RAB6B: variants seen among roughly 807,000 people sequenced by gnomAD.
The protein encoded by RAB6B is ras-related protein Rab-6B.
RAB6B carries 7 observed loss-of-function variants against 31.2 expected under a neutral mutation model. That is an observed-to-expected ratio of 0.22 (90% CI 0.13 to 0.42). RAB6B has a LOEUF of 0.42. Among genes scored for constraint, RAB6B ranks in the 10% least tolerant of loss-of-function variants. RAB6B has a pLI of 1.00. For missense variants in RAB6B, 149 were observed against 280.6 expected (o/e 0.53, Z 3.35); for synonymous variants, 105 against 104.9 (o/e 1.00, Z -0.01).
At chr3:133,839,408 C>T (rs1935787450) in intron 5 of RAB6B, 98 bp downstream of exon 5, 3 of 1,065,594 alleles carry the variant, frequency 2.8e-6, no homozygotes, top group Admixed American at 3.5e-5. Context: ...TGGTCAGAAG[C>T]ACAGACACAC....
At chr3:133,879,586 C>A (rs1238772959) in intron 1 of RAB6B, among the ~76,000 whole-genome samples, 1 of 152,200 alleles carries the variant, frequency 6.6e-6, no homozygotes, top group Non-Finnish European at 1.5e-5. Context: ...GCATCACAGG[C>A]CCTGGTATGG....
At chr3:133,891,130 G>A (rs1440015125) in intron 1 of RAB6B, among the ~76,000 whole-genome samples, 3 of 152,102 alleles carry the variant, frequency 2.0e-5, no homozygotes, top group African/African-American at 7.2e-5. Flanking sequence ...CTAGTGGGAG[G>A]GCAGGGGTCA....
chr3:133,888,797 C>T (rs1031706067), intron 1 of RAB6B, among the ~76,000 whole-genome samples: 1 of 152,128 alleles, frequency 6.6e-6, no homozygotes, highest in Non-Finnish European at 1.5e-5. Context: ...TGTGAGTCTT[C>T]ATCTTTTCCT....
Position 133,872,218 on chromosome 3 carries a change from A to G in RAB6B, c.71-7576T>C, listed in dbSNP as rs78709314. Among the ~76,000 whole-genome samples, 1,165 of 152,358 alleles carry G rather than the reference A, an allele frequency of 7.6e-3. 14 individuals carry two copies. Among genetic ancestry groups the G allele is most frequent in the African/African-American group, 0.025 (1,058 of 41,582 alleles). On this transcript the variant is annotated intron_variant, in intron 1 of 7. Coordinates refer to ENST00000285208, the MANE Select transcript of RAB6B (RefSeq NM_016577.4). ...TCCTCATTGTGCAGACCAGTAACCC[A>G]GTCCTAGCAGAGACCCGCTGACTCA...
At chr3:133,870,861 C>T (rs1021344146) in intron 1 of RAB6B, among the ~76,000 whole-genome samples, 2 of 152,228 alleles carry the variant, frequency 1.3e-5, no homozygotes, top group Non-Finnish European at 2.9e-5. Context: ...GGGTCTTGCA[C>T]ATCCATGGGG....
At chr3:133,881,741 A>G (rs912430878) in intron 1 of RAB6B, among the ~76,000 whole-genome samples, 3 of 152,214 alleles carry the variant, frequency 2.0e-5, no homozygotes, top group Non-Finnish European at 4.4e-5. Context: ...GCCTGACCCC[A>G]ATGAGTGCTT....
At chr3:133,841,424 G>A (rs1363589056) in intron 3 of RAB6B, 34 bp from the exon 4 acceptor site, 1 of 1,606,780 alleles carries the variant, frequency 6.2e-7, no homozygotes, top group Admixed American at 1.7e-5. Context: ...TGGGCAGAGG[G>A]GTCAGTGGGG....
intron 1 of RAB6B, among the ~76,000 whole-genome samples, chr3:133,883,097 A>C (rs1233496151): frequency 6.6e-6 from 1 of 152,210 alleles, no homozygotes; most frequent in African/African-American, 2.4e-5. Flanking sequence ...AACAAAGATC[A>C]CTAGTGCCAA....
intron 4 of RAB6B, 34 bp downstream of exon 4, chr3:133,841,251 A>G (rs1210933147): frequency 1.2e-6 from 2 of 1,610,006 alleles, no homozygotes; most frequent in Admixed American, 3.3e-5. Flanking sequence ...ACCCCCTATG[A>G]GCCACCCTCC....
At position 133,825,820 on chromosome 3, in the gene RAB6B, G is replaced by C. The variant is rs1935552812; in HGVS notation, c.*2968C>G. ...ATCTGCCAGGTCACGTCTAGTCTTT[G>C]GGGAGAGGGACTGAATTGCTCAATT... On this transcript the variant is annotated 3_prime_UTR_variant, in exon 8 of 8. Coordinates refer to ENST00000285208, the MANE Select transcript of RAB6B (RefSeq NM_016577.4). The C allele has an allele frequency of 6.6e-6, 1 of 152,204 alleles. No individual in the cohort carries two copies. The highest frequency in any genetic ancestry group is 2.4e-5 in the African/African-American group (1 of 41,450). The allele number at this position is 152,204 out of a possible 1,614,324, so 9.4% of individuals were successfully genotyped here. A position where few individuals can be genotyped will look rare whatever the true frequency, so the allele number is the denominator to read the frequency against.
chr3:133,831,611 G>T (rs139729692), intron 7 of RAB6B, among the ~76,000 whole-genome samples: 49 of 152,320 alleles, frequency 3.2e-4, no homozygotes, highest in Middle Eastern at 3.4e-3. Flanking sequence ...CAGTGCTCAG[G>T]GGCTGCCCGC....
At chr3:133,850,063 T>C (rs943957496) in intron 2 of RAB6B, among the ~76,000 whole-genome samples, 2 of 151,964 alleles carry the variant, frequency 1.3e-5, no homozygotes, top group African/African-American at 4.8e-5. Context: ...GACCCCAAAT[T>C]CTCCATATAA....
intron 1 of RAB6B, among the ~76,000 whole-genome samples, chr3:133,878,739 T>C (rs1012362257): frequency 2.6e-5 from 4 of 152,180 alleles, no homozygotes; most frequent in Non-Finnish European, 5.9e-5. Context: ...TAGAGAAATA[T>C]CTGCTACCCT....
At position 133,828,422 on chromosome 3, in the gene RAB6B, AGT is replaced by A; in HGVS notation, c.*364_*365del. ...AGGTGTGTGGAAAAGGTTCTCTATA[AGT>A]TTACAAATATACAAAAACAAAAAGC... On this transcript the variant is annotated 3_prime_UTR_variant, in exon 8 of 8. Transcript: ENST00000285208. 1 of 369,604 alleles carries A rather than the reference AGT, an allele frequency of 2.7e-6. No homozygotes were observed. The allele number at this position is 369,604 out of a possible 1,614,324, so 22.9% of individuals were successfully genotyped here. A position where few individuals can be genotyped will look rare whatever the true frequency, so the allele number is the denominator to read the frequency against.
At chr3:133,856,603 A>G (rs1005368921) in intron 2 of RAB6B, among the ~76,000 whole-genome samples, 8 of 152,192 alleles carry the variant, frequency 5.3e-5, no homozygotes, top group African/African-American at 1.9e-4. Flanking sequence ...GAGGTTGCCA[A>G]TGGGTACTGG....
intron 2 of RAB6B, among the ~76,000 whole-genome samples, chr3:133,863,693 C>A (rs925052102): frequency 4.6e-5 from 7 of 152,134 alleles, no homozygotes; most frequent in Admixed American, 1.3e-4. Context: ...CCACCCCCTA[C>A]CTCAACTTTT....
At chr3:133,844,623 G>T (rs1223985953) in intron 2 of RAB6B, among the ~76,000 whole-genome samples, 2 of 152,184 alleles carry the variant, frequency 1.3e-5, no homozygotes, top group Non-Finnish European at 2.9e-5. Flanking sequence ...ATAACAATTT[G>T]CAAGCACTGA....
intron 1 of RAB6B, among the ~76,000 whole-genome samples, chr3:133,875,841 A>G (rs1288809691): frequency 6.6e-6 from 1 of 152,164 alleles, no homozygotes; most frequent in Non-Finnish European, 1.5e-5. Flanking sequence ...ACCTTACCCT[A>G]AGAAACGCTG....
At chr3:133,877,307 T>C (rs1018700870) in intron 1 of RAB6B, among the ~76,000 whole-genome samples, 2 of 152,208 alleles carry the variant, frequency 1.3e-5, no homozygotes, top group Non-Finnish European at 2.9e-5. Context: ...GATCAGCAAA[T>C]GTATATGAGG....
Sources: allele counts gnomAD v4.1 joint callset (sites outside exome capture counted in the v4.1 genomes callset), GRCh38; gene constraint gnomAD v4.1.1; transcripts MANE v1.5; gene names NCBI Gene and HGNC (gene_info 2026-07-23, HGNC 2026-07-21).